Variants in CPA6 observed in about 807,000 individuals in gnomAD.
CPA6 encodes the protein carboxypeptidase A6, also known as carboxypeptidase B.
Under a neutral mutation model 63.3 loss-of-function variants are expected in CPA6, and 58 were observed. The observed-to-expected ratio is 0.92, with a 90% CI of 0.74 to 1.14. The LOEUF (loss-of-function observed/expected upper bound fraction) is 1.14, where lower values mean the gene tolerates loss of function less well. Among genes scored for constraint, CPA6 ranks in the 50% most tolerant of loss-of-function variants. CPA6 has a pLI of 0.00. For synonymous variants in CPA6, 185 were observed against 179.0 expected, an observed-to-expected ratio of 1.03 and a Z score of -0.27; for missense variants, 565 against 526.6, an observed-to-expected ratio of 1.07 and a Z score of -0.71.
intron 2 of CPA6, among the ~76,000 whole-genome samples, chr8:67,605,079 C>T (rs570960602): frequency 3.0e-5 from 3 of 99,098 alleles, no homozygotes; most frequent in South Asian, 3.4e-4. Context: ...TGCCCAGCCA[C>T]GTTTTTTTTT....
chr8:67,556,413 C>T (rs1587556698), intron 2 of CPA6, among the ~76,000 whole-genome samples: 1 of 152,278 alleles, frequency 6.6e-6, no homozygotes, highest in African/African-American at 2.4e-5. Flanking sequence ...CACACACACT[C>T]CTGCACAGAA....
At chr8:67,612,626 T>C (rs1280284198) in intron 2 of CPA6, among the ~76,000 whole-genome samples, 1 of 152,210 alleles carries the variant, frequency 6.6e-6, no homozygotes, top group Non-Finnish European at 1.5e-5. Flanking sequence ...GCAAAACATC[T>C]AAGAGATGTA....
chr8:67,641,847 A>T lies in CPA6; in HGVS notation c.117-17596T>A, dbSNP rs182812815. On this transcript the variant is annotated intron_variant, in intron 1 of 10. Coordinates refer to ENST00000297770, the MANE Select transcript of CPA6 (RefSeq NM_020361.5). ...AAAAAAAAGTAACAGTTATAAAACT[A>T]GTGAGAGAATTAGCATGGTAAAGTA... is the stretch of plus-strand genomic sequence containing the variant. Among the ~76,000 whole-genome samples, 723 of 152,358 alleles carry T rather than the reference A, an allele frequency of 4.7e-3. 1 individual carries two copies. Among genetic ancestry groups the T allele is most frequent in the Non-Finnish European group, 6.4e-3 (435 of 68,032 alleles).
chr8:67,442,918 A>G (rs1810325677), intron 8 of CPA6, among the ~76,000 whole-genome samples: 3 of 152,146 alleles, frequency 2.0e-5, no homozygotes, highest in African/African-American at 7.2e-5. Flanking sequence ...TTACAAGGCA[A>G]CTTTGGCTTG....
At chr8:67,720,793 C>T (rs1817482153) in intron 1 of CPA6, among the ~76,000 whole-genome samples, 1 of 152,150 alleles carries the variant, frequency 6.6e-6, no homozygotes, top group Non-Finnish European at 1.5e-5. Context: ...TGCGTTCAGA[C>T]ACAGTTCTGC....
chr8:67,705,695 A>G (rs185099833), intron 1 of CPA6, among the ~76,000 whole-genome samples: 3 of 152,230 alleles, frequency 2.0e-5, no homozygotes, highest in African/African-American at 7.2e-5. Context: ...CTAAATCTTT[A>G]TCTATTAACT....
chr8:67,626,454 C>T (rs1209956142), intron 1 of CPA6, among the ~76,000 whole-genome samples: 1 of 152,282 alleles, frequency 6.6e-6, no homozygotes, highest in East Asian at 1.9e-4. Flanking sequence ...GCTACTCTAA[C>T]AGAACTTTAC....
chr8:67,579,583 G>T (rs574104291), intron 2 of CPA6, among the ~76,000 whole-genome samples: 1 of 152,062 alleles, frequency 6.6e-6, no homozygotes, highest in East Asian at 1.9e-4. Context: ...ACTTAATCCC[G>T]CAAATACAAA....
intron 8 of CPA6, among the ~76,000 whole-genome samples, chr8:67,475,982 C>T (rs1282710652): frequency 4.3e-5 from 6 of 140,320 alleles, no homozygotes; most frequent in African/African-American, 1.7e-4. Context: ...CTCTTTCTTT[C>T]TCTCCCCTTC....
At chr8:67,543,459 G>A (rs1812747875) in intron 2 of CPA6, among the ~76,000 whole-genome samples, 1 of 152,102 alleles carries the variant, frequency 6.6e-6, no homozygotes, top group South Asian at 2.1e-4. Context: ...TGAACATACT[G>A]CTCAATTTCT....
At chr8:67,662,500 A>G (rs547628065) in intron 1 of CPA6, among the ~76,000 whole-genome samples, 3 of 147,612 alleles carry the variant, frequency 2.0e-5, no homozygotes, top group Non-Finnish European at 3.0e-5. Context: ...ATACACATGT[A>G]TATGTATATA....
chr8:67,556,357 C>CTCCA (rs1341620478), intron 2 of CPA6, among the ~76,000 whole-genome samples: 2 of 152,164 alleles, frequency 1.3e-5, no homozygotes, highest in Non-Finnish European at 2.9e-5. Context: ...CTGCCTCCAC[C>CTCCA]TCCAGCATGT....
intron 2 of CPA6, among the ~76,000 whole-genome samples, chr8:67,593,897 T>C (rs1480074125): frequency 6.7e-6 from 1 of 148,852 alleles, no homozygotes. Flanking sequence ...AAAGTTAATA[T>C]TGTTATGTGT....
chr8:67,572,220 G>A (rs546926124), intron 2 of CPA6, among the ~76,000 whole-genome samples: 4 of 152,316 alleles, frequency 2.6e-5, no homozygotes, highest in Middle Eastern at 3.4e-3. Context: ...AATATGGTTT[G>A]TTTATTCTCA....
intron 1 of CPA6, among the ~76,000 whole-genome samples, chr8:67,685,953 A>G (rs985902662): frequency 3.9e-5 from 6 of 152,204 alleles, no homozygotes; most frequent in Admixed American, 1.3e-4. Context: ...ACAGCAATCC[A>G]TCCTACCTTT....
At chr8:67,496,787 C>T (rs1587492862) in intron 6 of CPA6, among the ~76,000 whole-genome samples, 1 of 151,900 alleles carries the variant, frequency 6.6e-6, no homozygotes, top group East Asian at 1.9e-4. Flanking sequence ...TCTTGAACTC[C>T]TGACCTCATG....
At chr8:67,728,077 CAAAA>C (rs35844429) in intron 1 of CPA6, among the ~76,000 whole-genome samples, 1 of 89,690 alleles carries the variant, frequency 1.1e-5, no homozygotes, top group African/African-American at 3.4e-5. Context: ...GACTCTGTCT[CAAAA>C]AAAAAAAAAA....
chr8:67,472,376 T>TA (rs1361036581), intron 8 of CPA6, among the ~76,000 whole-genome samples: 5 of 72,188 alleles, frequency 6.9e-5, no homozygotes, highest in African/African-American at 4.8e-4. Flanking sequence ...AGATTTATTT[T>TA]TTTATTTTAT....
chr8:67,711,042 A>G (rs1817249879), intron 1 of CPA6, among the ~76,000 whole-genome samples: 1 of 152,152 alleles, frequency 6.6e-6, no homozygotes, highest in African/African-American at 2.4e-5. Context: ...CTAGGTCCAA[A>G]GTGCCTGGTT....
Sources: gnomAD v4.1 joint callset for allele counts (sites outside exome capture counted in the v4.1 genomes callset) on GRCh38, gnomAD v4.1.1 for gene constraint, MANE v1.5 for transcripts, NCBI Gene and HGNC (gene_info 2026-07-23, HGNC 2026-07-21) for gene names.